SNTB1: variants seen among roughly 807,000 people sequenced by gnomAD.
The protein encoded by SNTB1 is beta-1-syntrophin.
SNTB1 carries 36 observed loss-of-function variants against 48.9 expected under a neutral mutation model. The observed-to-expected ratio is 0.74, with a 90% CI of 0.56 to 0.97. SNTB1 has a LOEUF of 0.97. SNTB1 is among the 50% of genes least tolerant of loss of function. The pLI is 0.00. For synonymous variants in SNTB1, 299 were observed against 294.6 expected, an observed-to-expected ratio of 1.01 and a Z score of -0.15; for missense variants, 786 against 703.4, an observed-to-expected ratio of 1.12 and a Z score of -1.33.
chr8:120,693,497 T>C (rs543956730), intron 2 of SNTB1, among the ~76,000 whole-genome samples, 195 bp downstream of exon 2: 3 of 152,310 alleles, frequency 2.0e-5, no homozygotes, highest in African/African-American at 7.2e-5. Flanking sequence ...GCTCAGTGTA[T>C]AGATTCTCTC....
At chr8:120,597,227 C>T (rs1451574656) in intron 3 of SNTB1, among the ~76,000 whole-genome samples, 2 of 152,204 alleles carry the variant, frequency 1.3e-5, no homozygotes, top group Non-Finnish European at 2.9e-5. Context: ...ATAGATTGTC[C>T]TTTAGAGCAT....
At chr8:120,747,978 C>T (rs528372887) in intron 1 of SNTB1, among the ~76,000 whole-genome samples, 25 of 152,210 alleles carry the variant, frequency 1.6e-4, no homozygotes, top group South Asian at 6.2e-4. Flanking sequence ...TTTACTCTTT[C>T]GCCATAGAAA....
intron 1 of SNTB1, among the ~76,000 whole-genome samples, chr8:120,736,869 T>C (rs1818951797): frequency 6.6e-6 from 1 of 152,220 alleles, no homozygotes. Flanking sequence ...GGGGAGGTAT[T>C]CAACATGTCT....
chr8:120,612,128 A>G (rs1816637615), intron 3 of SNTB1, among the ~76,000 whole-genome samples: 1 of 152,192 alleles, frequency 6.6e-6, no homozygotes, highest in African/African-American at 2.4e-5. Context: ...AGCCTTCGAG[A>G]AAGCCATCGT....
At chr8:120,598,917 C>T (rs927003297) in intron 3 of SNTB1, among the ~76,000 whole-genome samples, 1 of 152,106 alleles carries the variant, frequency 6.6e-6, no homozygotes, top group African/African-American at 2.4e-5. Flanking sequence ...CCTTGGCCTC[C>T]CTCTTATAAA....
At chr8:120,800,723 G>A (rs1820211678) in intron 1 of SNTB1, among the ~76,000 whole-genome samples, 1 of 151,940 alleles carries the variant, frequency 6.6e-6, no homozygotes, top group Non-Finnish European at 1.5e-5. Context: ...AAAAAATTGG[G>A]ATAAGTACAA....
chr8:120,772,833 C>T (rs984809361), intron 1 of SNTB1, among the ~76,000 whole-genome samples: 4 of 151,814 alleles, frequency 2.6e-5, no homozygotes, highest in African/African-American at 9.7e-5. Flanking sequence ...TTGGAGAGAA[C>T]AGAAAGAGAA....
At chr8:120,789,008 A>G (rs1351668487) in intron 1 of SNTB1, among the ~76,000 whole-genome samples, 5 of 152,080 alleles carry the variant, frequency 3.3e-5, no homozygotes, top group Admixed American at 2.0e-4. Context: ...ACAAGCCTCA[A>G]TAAATTTTAA....
chr8:120,803,021 CA>C (rs138600845), intron 1 of SNTB1, among the ~76,000 whole-genome samples: 3,746 of 146,748 alleles, frequency 0.026, 151 homozygotes, highest in African/African-American at 0.084. Flanking sequence ...CAAAAAACAA[CA>C]AAAAAAAAAC....
At chr8:120,639,932 G>C (rs936501400) in intron 2 of SNTB1, among the ~76,000 whole-genome samples, 8 of 152,102 alleles carry the variant, frequency 5.3e-5, no homozygotes, top group African/African-American at 9.7e-5. Flanking sequence ...TTGGTAGCTT[G>C]ATGGGGATGG....
At chr8:120,712,091 C>G (rs1818473030) in intron 1 of SNTB1, among the ~76,000 whole-genome samples, 1 of 152,092 alleles carries the variant, frequency 6.6e-6, no homozygotes, top group Non-Finnish European at 1.5e-5. Flanking sequence ...GTGAATTACA[C>G]TTGGAATAAA....
intron 5 of SNTB1, 35 bp downstream of exon 5, chr8:120,548,727 A>G: frequency 1.9e-6 from 3 of 1,601,680 alleles, no homozygotes; most frequent in Non-Finnish European, 1.7e-6. Context: ...TCTTCCCGTA[A>G]CAATGTGTCC....
At chr8:120,763,797 T>G (rs1445395778) in intron 1 of SNTB1, among the ~76,000 whole-genome samples, 1 of 150,364 alleles carries the variant, frequency 6.7e-6, no homozygotes, top group African/African-American at 2.5e-5. Context: ...ATTTTTTTTT[T>G]GTTTATTATG....
At chr8:120,774,100 T>C (rs1009293365) in intron 1 of SNTB1, among the ~76,000 whole-genome samples, 1 of 152,242 alleles carries the variant, frequency 6.6e-6, no homozygotes, top group Non-Finnish European at 1.5e-5. Flanking sequence ...CGATGTTCCT[T>C]CCAGTAAATC....
In SNTB1 at chr8:120,746,281, G is replaced by A. The variant is rs144808754; in HGVS notation, c.572-52373C>T. Among the ~76,000 whole-genome samples, 477 of 152,008 alleles carry A rather than the reference G, an allele frequency of 3.1e-3. 1 individual carries two copies. Among genetic ancestry groups the A allele is most frequent in the African/African-American group, 0.011 (449 of 41,442 alleles). ...TGATAGTAAATATATTTTCTCTTCC[G>A]TATGATTTTCTTAATAACATTTTTT... On this transcript the variant is annotated intron_variant, in intron 1 of 6. Transcript: ENST00000517992.
intron 1 of SNTB1, among the ~76,000 whole-genome samples, chr8:120,711,325 T>A (rs1209792108): frequency 7.6e-6 from 1 of 131,618 alleles, no homozygotes; most frequent in Non-Finnish European, 1.6e-5. Context: ...ATTTAAAAAA[T>A]CATTAAAAAA....
At chr8:120,765,937 T>A (rs1819514907) in intron 1 of SNTB1, 1 of 152,204 alleles carries the variant, frequency 6.6e-6, no homozygotes, top group African/African-American at 2.4e-5. Flanking sequence ...ATCACCTATG[T>A]CTCAGCTTTA....
At chr8:120,689,608 CTCTCTT>C (rs1232807931) in intron 2 of SNTB1, among the ~76,000 whole-genome samples, 1 of 152,176 alleles carries the variant, frequency 6.6e-6, no homozygotes, top group African/African-American at 2.4e-5. Flanking sequence ...ACTCCACACT[CTCTCTT>C]TATCATTCCT....
Position 120,548,855 on chromosome 8 carries a change from TGAAGAGATGTGTTTCAATCC to T in SNTB1, c.1220_1239del (p.Gly407GlufsTer24). The T allele has an allele frequency of 6.2e-7, 1 of 1,613,914 alleles. No individual in the cohort carries two copies. Among genetic ancestry groups the T allele is most frequent in the Non-Finnish European group, 8.5e-7 (1 of 1,179,856 alleles). Reference sequence around the variant, plus strand: ...GAGAGGTCCCTGCTGGTCTCTGCTCTGAAGAGATGTGTTTCAATCCCTTGCCTGGTACCAGTTCGCGTTGC... The same window carrying T: ...GAGAGGTCCCTGCTGGTCTCTGCTCTCTTGCCTGGTACCAGTTCGCGTTGC... On this transcript the variant is annotated frameshift_variant, in exon 5 of 7. Transcript: ENST00000517992. LOFTEE classifies it high-confidence loss of function.
Sources: gnomAD v4.1 joint callset for allele counts (sites outside exome capture counted in the v4.1 genomes callset) on GRCh38, gnomAD v4.1.1 for gene constraint, MANE v1.5 for transcripts, NCBI Gene and HGNC (gene_info 2026-07-23, HGNC 2026-07-21) for gene names.